CEP152: variants seen among roughly 807,000 people sequenced by gnomAD.
CEP152 encodes centrosomal protein 152, also known as centrosomal protein of 152 kDa.
CEP152 carries 132 observed loss-of-function variants against 188.9 expected under a neutral mutation model. The observed-to-expected ratio is 0.70, with a 90% confidence interval of 0.61 to 0.81. The LOEUF (loss-of-function observed/expected upper bound fraction) is 0.81, where lower values mean the gene tolerates loss of function less well. CEP152 is among the 30% of genes least tolerant of loss of function. The pLI, the probability that CEP152 is intolerant of heterozygous loss-of-function variation, is 0.00. For synonymous variants in CEP152, 649 were observed against 666.6 expected (o/e 0.97, Z 0.41); for missense variants, 1,914 against 1,969.8 (o/e 0.97, Z 0.54).
intron 2 of CEP152, among the ~76,000 whole-genome samples, chr15:48,798,800 T>C (rs1897492502): frequency 1.3e-5 from 2 of 152,170 alleles, no homozygotes. Context: ...CAAAATTAAT[T>C]CATTCAAATT....
chr15:48,788,326 C>CTTTTTTT (rs538514112), intron 9 of CEP152, among the ~76,000 whole-genome samples: 3 of 97,064 alleles, frequency 3.1e-5, no homozygotes, highest in Non-Finnish European at 4.1e-5. Context: ...TCACTGGCTT[C>CTTTTTTT]TTTTTTTTTT....
At chr15:48,740,449 T>G (rs777253104) in intron 26 of CEP152, 5 of 152,018 alleles carry the variant, frequency 3.3e-5, no homozygotes, top group Admixed American at 6.6e-5. Context: ...CTACTTATAT[T>G]TAGTGTGATT....
At chr15:48,809,911 A>G (rs1404854747) in intron 1 of CEP152, among the ~76,000 whole-genome samples, 2 of 152,214 alleles carry the variant, frequency 1.3e-5, no homozygotes, top group East Asian at 1.9e-4. Flanking sequence ...GCAACCTCCT[A>G]TGGAACAAAA....
At chr15:48,739,310 GA>G in intron 26 of CEP152, 22 bp from the exon 27 acceptor site, 1 of 1,575,898 alleles carries the variant, frequency 6.3e-7, no homozygotes, top group African/African-American at 1.4e-5. Context: ...AAGGAAACAC[GA>G]AATTAAGAGA....
At chr15:48,771,564 C>T (rs903759960) in intron 13 of CEP152, among the ~76,000 whole-genome samples, 1 of 152,090 alleles carries the variant, frequency 6.6e-6, no homozygotes, top group African/African-American at 2.4e-5. Context: ...AATGCAGATT[C>T]CTTGTTACAG....
chr15:48,768,075 C>T (rs1895255520), intron 15 of CEP152, 144 bp downstream of exon 15: 2 of 656,564 alleles, frequency 3.0e-6, no homozygotes, highest in Non-Finnish European at 5.6e-6. Flanking sequence ...TTTGAGAAGC[C>T]AGGGACTCAT....
Position 48,738,759 on chromosome 15 carries a change from T to C in CEP152, c.4623A>G (p.Leu1541=). 6.2e-7 allele frequency: 1 copy of C among 1,614,216 alleles called. No individual in the cohort carries two copies. The highest frequency in any genetic ancestry group is 2.2e-5 in the East Asian group (1 of 44,892). Residue 1541 remains leucine (L), a synonymous_variant, in exon 27 of 27, where the codon CTA becomes CTG. Coordinates refer to ENST00000380950, the MANE Select transcript of CEP152 (RefSeq NM_001194998.2). The part of the protein sequence containing the change: ...LGLKVYKCNP[L]MESENAASEK... ...CAGATGCAGCATTTTCACTTTCCAT[T>C]AGTGGATTGCATTTATATACTTTTA...
At chr15:48,743,320 A>G (rs1893147002) in intron 24 of CEP152, among the ~76,000 whole-genome samples, 1 of 152,216 alleles carries the variant, frequency 6.6e-6, no homozygotes, top group South Asian at 2.1e-4. Context: ...AATTTTAGGA[A>G]GTTAATATAC....
chr15:48,779,466 T>C (rs1896115420), intron 12 of CEP152, among the ~76,000 whole-genome samples: 1 of 152,252 alleles, frequency 6.6e-6, no homozygotes, highest in Non-Finnish European at 1.5e-5. Context: ...ATCTGATCAG[T>C]GATATGTTTT....
rs752153866 is a variant in CEP152, at chr15:48,768,963, T to C, written c.1901A>G (p.Gln634Arg). 1 of 1,532,332 alleles carries C rather than the reference T, an allele frequency of 6.5e-7. No homozygotes were observed. The highest frequency in any genetic ancestry group is 1.2e-5 in the South Asian group (1 of 85,730). The allele number at this position is 1,532,332 out of a possible 1,614,324, so 94.9% of individuals were successfully genotyped here. Reference protein sequence around the residue: ...LKNEIQVLQQQNQELKETEGK... With the variant: ...LKNEIQVLQQRNQELKETEGK... Reference sequence around the variant, plus strand: ...AAAAATATTTTTAATCACCTGATTTTGTTGTTGTAAAACTTGAATTTCATT... The same window carrying C: ...AAAAATATTTTTAATCACCTGATTTCGTTGTTGTAAAACTTGAATTTCATT... Residue 634 changes from glutamine (Q) to arginine (R), a missense_variant, in exon 14 of 27, where the codon CAA becomes CGA. Physicochemically the swap from Gln to Arg is conservative, Grantham distance 43 (BLOSUM62 1). Coordinates refer to ENST00000380950, the MANE Select transcript of CEP152 (RefSeq NM_001194998.2).
chr15:48,740,394 C>G (rs1892863554), intron 26 of CEP152: 1 of 151,746 alleles, frequency 6.6e-6, no homozygotes, highest in African/African-American at 2.4e-5. Context: ...TTTTAAAAAC[C>G]CTATTTGAAA....
At position 48,762,421 on chromosome 15, in the gene CEP152, T is replaced by C; in HGVS notation, c.2532A>G (p.Glu844=). ...GAMKKLEIEL[E]LKHCENITKQ... is the part of the protein sequence containing the mutation. Reference sequence around the variant, plus strand: ...TGGTAATATTTTCACAATGTTTGAGTTCCAATTCAATTTCGAGTTTCTTCA... The same window carrying C: ...TGGTAATATTTTCACAATGTTTGAGCTCCAATTCAATTTCGAGTTTCTTCA... The change falls in exon 18 of 27, where the codon GAA becomes GAG. Residue 844 remains glutamate (E), a synonymous_variant. Transcript: ENST00000380950. 1.2e-6 allele frequency: 2 copies of C among 1,614,082 alleles called. No homozygotes were observed. The highest frequency in any genetic ancestry group is 1.3e-5 in the African/African-American group (1 of 75,038).
chr15:48,765,602 C>A (rs1228140484), intron 17 of CEP152: 1 of 415,710 alleles, frequency 2.4e-6, no homozygotes, highest in Admixed American at 3.0e-5. Flanking sequence ...CCTGGAATGA[C>A]CTCTTTGAGA....
chr15:48,759,005 C>G (rs1258285791), intron 19 of CEP152, among the ~76,000 whole-genome samples: 1 of 152,146 alleles, frequency 6.6e-6, no homozygotes, highest in Non-Finnish European at 1.5e-5. Flanking sequence ...CTCTGAGACA[C>G]ATATCCTCAC....
intron 19 of CEP152, 76 bp downstream of exon 19, chr15:48,760,059 A>G: frequency 3.8e-6 from 6 of 1,595,756 alleles, no homozygotes; most frequent in Non-Finnish European, 5.1e-6. Flanking sequence ...GAGTAGGTAC[A>G]AATTCCAAGG....
downstream of CEP152, among the ~76,000 whole-genome samples, chr15:48,737,180 T>C (rs1892649907): frequency 6.6e-6 from 1 of 152,202 alleles, no homozygotes; most frequent in Non-Finnish European, 1.5e-5. Context: ...AGGAGGAGGA[T>C]GCATCTTGCC....
intron 2 of CEP152, among the ~76,000 whole-genome samples, chr15:48,730,822 G>C (rs1892396445): frequency 6.6e-6 from 1 of 152,172 alleles, no homozygotes; most frequent in African/African-American, 2.4e-5. Context: ...TAAAGTCTAA[G>C]CAAATAATGA....
chr15:48,788,837 C>A lies in CEP152; in HGVS notation c.1137G>T (p.Lys379Asn), dbSNP rs1453843365. 1.9e-6 allele frequency: 3 copies of A among 1,614,072 alleles called. No homozygotes were observed. Among genetic ancestry groups the A allele is most frequent in the African/African-American group, 1.3e-5 (1 of 74,930 alleles). Residue 379 changes from lysine (K) to asparagine (N), a missense_variant, in exon 9 of 27, where the codon AAG (lysine) becomes AAT (asparagine). By Grantham distance (94) the Lys-to-Asn change is moderately conservative. Transcript: ENST00000380950. ...GTGCGGTGACTGTGGCATCCAAATT[C>A]TTTTGTAAGGACAATACTTGCTCTT... ...KYEEQVLSLQ[K>N]NLDATVTALK...
chr15:48,751,988 A>G (rs930034552), intron 21 of CEP152, among the ~76,000 whole-genome samples: 2 of 152,356 alleles, frequency 1.3e-5, no homozygotes, highest in East Asian at 1.9e-4. Context: ...AAAGATTTCC[A>G]TTAAAAAGTG....
Sources: allele counts gnomAD v4.1 joint callset (sites outside exome capture counted in the v4.1 genomes callset), GRCh38; gene constraint gnomAD v4.1.1; transcripts MANE v1.5; gene names NCBI Gene and HGNC (gene_info 2026-07-23, HGNC 2026-07-21).